Variants in RP1L1 observed in about 807,000 individuals in gnomAD.
The protein encoded by RP1L1 is retinitis pigmentosa 1-like 1 protein.
In RP1L1, 27 loss-of-function variants were observed where a neutral mutation model predicts 15.7. The observed-to-expected ratio is 1.72, with a 90% confidence interval of 1.27 to 2.38. The LOEUF (loss-of-function observed/expected upper bound fraction) is 2.38, where lower values mean the gene tolerates loss of function less well. Among genes scored for constraint, RP1L1 ranks in the 30% most tolerant of loss-of-function variants. The pLI, the probability that RP1L1 is intolerant of heterozygous loss-of-function variation, is 0.00. For synonymous variants in RP1L1, 1,813 were observed against 1,276.7 expected, an observed-to-expected ratio of 1.42 and a Z score of -8.96; for missense variants, 4,798 against 3,075.9, an observed-to-expected ratio of 1.56 and a Z score of -13.24.
chr8:10,625,245 C>T (rs978645422), intron 1 of RP1L1, among the ~76,000 whole-genome samples: 13 of 152,310 alleles, frequency 8.5e-5, no homozygotes, highest in African/African-American at 3.1e-4. Context: ...AGAGAGAGAA[C>T]ACCCTACCTG....
intron 2 of RP1L1, among the ~76,000 whole-genome samples, chr8:10,619,281 A>T (rs781092149): frequency 3.9e-4 from 60 of 152,214 alleles, no homozygotes; most frequent in Non-Finnish European, 7.5e-4. Context: ...CAGGGCATGG[A>T]ACGTGGCAGC....
At chr8:10,621,969 A>G (rs1798066796) in intron 2 of RP1L1, among the ~76,000 whole-genome samples, 1 of 152,176 alleles carries the variant, frequency 6.6e-6, no homozygotes, top group Non-Finnish European at 1.5e-5. Flanking sequence ...TAACTTGAGT[A>G]GTTTGTTTCC....
intron 1 of RP1L1, among the ~76,000 whole-genome samples, chr8:10,632,226 C>T (rs1351709297): frequency 6.6e-6 from 1 of 152,164 alleles, no homozygotes; most frequent in East Asian, 1.9e-4. Flanking sequence ...TGGGAAATCC[C>T]CCATTTTCCC....
At position 10,642,172 on chromosome 8, in the gene RP1L1, G is replaced by A. The variant is rs560772638; in HGVS notation, c.-20+12726C>T. On this transcript the variant is annotated intron_variant, in intron 1 of 3. Coordinates refer to ENST00000382483, the MANE Select transcript of RP1L1 (RefSeq NM_178857.6). ...TATAATTAATTATCTCAAAATGAAA[G>A]GTTTAGTTTTTTTCAAAGAGGTTTT... 7.9e-5 allele frequency among the ~76,000 whole-genome samples: 12 copies of A among 152,126 alleles called. No homozygotes were observed. The South Asian group carries it at 2.5e-3, about 32-fold the overall frequency.
chr8:10,607,784 T>C lies in RP1L1; in HGVS notation c.6314A>G (p.Glu2105Gly), dbSNP rs764746095. The C allele has an allele frequency of 3.1e-6, 5 of 1,608,930 alleles. No homozygotes were observed. The highest frequency in any genetic ancestry group is 4.2e-6 in the Non-Finnish European group (5 of 1,176,960). Residue 2105 changes from glutamate to glycine, a missense_variant, in exon 4 of 4, where the codon GAG becomes GGG. Transcript: ENST00000382483. ...QPESEGVEAP[E>G]AEGEAQKAEG... ...TGCCTTCTGGGCCTCCCCTTCTGCC[T>C]CTGGGGCCTCTACACCTTCTGATTC...
intron 1 of RP1L1, among the ~76,000 whole-genome samples, chr8:10,641,447 C>T (rs1456747493): frequency 6.6e-6 from 1 of 152,200 alleles, no homozygotes; most frequent in African/African-American, 2.4e-5. Context: ...GCAGCATAAC[C>T]TTGCCTATCC....
chr8:10,612,334 G>T lies in RP1L1; in HGVS notation c.1764C>A (p.Asp588Glu). Residue 588 changes from aspartate to glutamate, a missense_variant, in exon 4 of 4, where the codon GAC becomes GAA. By Grantham distance (45) the Asp-to-Glu change is conservative. Transcript: ENST00000382483. ...ALSLSSLRSD[D>E]LQAETQGQGT... Reference sequence around the variant, plus strand: ...CCTGTCCTTGCGTCTCTGCCTGCAGGTCGTCACTCCTTAAAGATGAAAGAC... The same window carrying T: ...CCTGTCCTTGCGTCTCTGCCTGCAGTTCGTCACTCCTTAAAGATGAAAGAC... 1 of 1,613,200 alleles carries T rather than the reference G, an allele frequency of 6.2e-7. No homozygotes were observed. The highest frequency in any genetic ancestry group is 8.5e-7 in the Non-Finnish European group (1 of 1,180,020).
At chr8:10,626,799 C>T (rs1459162232) in intron 1 of RP1L1, among the ~76,000 whole-genome samples, 1 of 152,140 alleles carries the variant, frequency 6.6e-6, no homozygotes, top group Non-Finnish European at 1.5e-5. Flanking sequence ...CTCACATTTC[C>T]ACGAGAAAGC....
chr8:10,638,555 G>A lies in RP1L1; in HGVS notation c.-19-15335C>T, dbSNP rs576804466. Among the ~76,000 whole-genome samples the A allele has an allele frequency of 4.6e-5, 7 of 152,024 alleles. No homozygotes were observed. The East Asian group carries it at 1.2e-3, about 25-fold the overall frequency. On this transcript the variant is annotated intron_variant, in intron 1 of 3. Transcript: ENST00000382483. ...GTCCGGCAGTTCAAATGTAGCCTGGGCAACACAGTGAGACCCCATCTCTAA... is the reference window on the plus strand; with the variant it reads ...GTCCGGCAGTTCAAATGTAGCCTGGACAACACAGTGAGACCCCATCTCTAA...
At chr8:10,643,284 G>A (rs995562155) in intron 1 of RP1L1, among the ~76,000 whole-genome samples, 3 of 152,188 alleles carry the variant, frequency 2.0e-5, no homozygotes, top group Admixed American at 6.5e-5. Flanking sequence ...AGGCTGTGGT[G>A]AGCCATGATC....
At chr8:10,639,960 C>T (rs965535449) in intron 1 of RP1L1, among the ~76,000 whole-genome samples, 6 of 152,036 alleles carry the variant, frequency 3.9e-5, no homozygotes, top group African/African-American at 7.3e-5. Flanking sequence ...CATTTTAATA[C>T]GATATATGCA....
rs201666263 is a variant in RP1L1 at position 10,611,829 on chromosome 8, C to T, written c.2269G>A (p.Ala757Thr). ...DFVSGVSPHN[A>T]PSAGWAGDAG... ...TCCCCTGCCCACCCGGCAGAGGGAG[C>T]GTTGTGCGGGGAGACTCCAGAAACA... The change falls in exon 4 of 4, where the codon GCT becomes ACT. Residue 757 changes from alanine to threonine, a missense_variant. Transcript: ENST00000382483. 2.8e-4 allele frequency: 446 copies of T among 1,613,542 alleles called. No homozygotes were observed. Among genetic ancestry groups the T allele is most frequent in the Non-Finnish European group, 3.7e-4 (437 of 1,180,020 alleles).
chr8:10,621,876 C>T, intron 2 of RP1L1: 1 of 428,868 alleles, frequency 2.3e-6, no homozygotes, highest in Non-Finnish European at 4.8e-6. Context: ...GCCATTCCTG[C>T]AGACCCAGCT....
intron 1 of RP1L1, among the ~76,000 whole-genome samples, chr8:10,623,792 C>A (rs982629629): frequency 3.3e-5 from 5 of 151,544 alleles, no homozygotes; most frequent in Non-Finnish European, 5.9e-5. Context: ...CACAGCACCA[C>A]ATGTCCCCAA....
chr8:10,627,511 G>A (rs1798177046), intron 1 of RP1L1, among the ~76,000 whole-genome samples: 2 of 152,086 alleles, frequency 1.3e-5, no homozygotes, highest in Admixed American at 6.5e-5. Flanking sequence ...ATGTTTCAGA[G>A]GTGCAGAGTT....
At chr8:10,631,881 C>G (rs920678387) in intron 1 of RP1L1, among the ~76,000 whole-genome samples, 7 of 152,192 alleles carry the variant, frequency 4.6e-5, no homozygotes, top group Non-Finnish European at 7.3e-5. Flanking sequence ...AAGGGGGAAG[C>G]CAGCACGGGG....
chr8:10,615,927 C>A (rs925166790), intron 3 of RP1L1, among the ~76,000 whole-genome samples: 7 of 152,004 alleles, frequency 4.6e-5, no homozygotes, highest in Admixed American at 2.6e-4. Context: ...AATTTTGAGA[C>A]AGGATTTTGC....
rs1390566716 is a variant in RP1L1, at chr8:10,608,830, T to C, written c.5268A>G (p.Lys1756=). The C allele has an allele frequency of 6.2e-7, 1 of 1,614,162 alleles. No homozygotes were observed. Among genetic ancestry groups the C allele is most frequent in the Admixed American group, 1.7e-5 (1 of 60,026 alleles). Residue 1756 remains lysine, a synonymous_variant, in exon 4 of 4, where the codon AAA becomes AAG. Transcript: ENST00000382483. Reference sequence around the variant, plus strand: ...CCTCTGCCTCCCCGAGTTTGGGATCTTTGTCTCTGTTGAGTCTCTGGCTCC... The same window carrying C: ...CCTCTGCCTCCCCGAGTTTGGGATCCTTGTCTCTGTTGAGTCTCTGGCTCC... ...GEGSQRLNRD[K]DPKLGEAEGD...
At chr8:10,643,827 C>T (rs1798439479) in intron 1 of RP1L1, among the ~76,000 whole-genome samples, 1 of 151,906 alleles carries the variant, frequency 6.6e-6, no homozygotes, top group Non-Finnish European at 1.5e-5. Flanking sequence ...GCATCCAGTT[C>T]CAGGAACATG....
Sources: allele counts gnomAD v4.1 joint callset (sites outside exome capture counted in the v4.1 genomes callset), GRCh38; gene constraint gnomAD v4.1.1; transcripts MANE v1.5; gene names NCBI Gene and HGNC (gene_info 2026-07-23, HGNC 2026-07-21).